Variants in NAV3 observed in about 807,000 individuals in gnomAD.
The protein encoded by NAV3 is neuron navigator 3.
Under a neutral mutation model 244.7 loss-of-function variants are expected in NAV3, and 87 were observed. That is an observed-to-expected ratio of 0.36 (90% CI 0.30 to 0.42). The LOEUF is 0.42. Ranked by LOEUF, NAV3 falls within the 20% of genes least tolerant of loss-of-function variation. The probability of loss-of-function intolerance (pLI) is 1.00; values close to 1 mark genes in which losing one functional copy is unlikely to be tolerated. For synonymous variants in NAV3, 1,126 were observed against 1,042.2 expected, an observed-to-expected ratio of 1.08 and a Z score of -1.55; for missense variants, 2,663 against 2,893.3, an observed-to-expected ratio of 0.92 and a Z score of 1.83.
intron 1 of NAV3, among the ~76,000 whole-genome samples, chr12:77,865,798 C>CGCGT (rs1555218733): frequency 2.0e-5 from 3 of 149,154 alleles, no homozygotes; most frequent in Admixed American, 1.3e-4. Flanking sequence ...CGTATATATG[C>CGCGT]GTGTGTGTGT....
intron 2 of NAV3, among the ~76,000 whole-genome samples, chr12:77,804,536 G>A (rs1871874438): frequency 2.0e-5 from 3 of 152,094 alleles, no homozygotes; most frequent in Admixed American, 1.3e-4. Flanking sequence ...CTATATATCC[G>A]TTTTGGTACC....
Position 77,755,652 on chromosome 12 carries a change from T to TCCTTCCTTCCTTCCTC in NAV3, c.72+183392_72+183393insTTCCTTCCTCCCTTCC, listed in dbSNP as rs1268788080. 3.4e-4 allele frequency among the ~76,000 whole-genome samples: 20 copies of TCCTTCCTTCCTTCCTC among 59,548 alleles called. 2 individuals are homozygous for TCCTTCCTTCCTTCCTC. Among genetic ancestry groups the TCCTTCCTTCCTTCCTC allele is most frequent in the African/African-American group, 1.0e-3 (12 of 11,432 alleles). The allele number at this position is 59,548 out of a possible 152,430, so 39.1% of individuals were successfully genotyped here. On this transcript the variant is annotated intron_variant, in intron 2 of 8. Transcript: ENST00000550042. ...TTCCTTCCTTCCTTCCTTCCTTCCT[T>TCCTTCCTTCCTTCCTC]CCTTCCACTCTCTCTCTTTCTTTCT...
chr12:78,111,565 A>G (rs780662284), intron 12 of NAV3, among the ~76,000 whole-genome samples: 34 of 152,296 alleles, frequency 2.2e-4, no homozygotes, highest in Middle Eastern at 3.4e-3. Flanking sequence ...GTAATGAAAT[A>G]CTACTAGATA....
intron 2 of NAV3, among the ~76,000 whole-genome samples, chr12:77,578,145 A>G (rs1869179874): frequency 6.6e-6 from 1 of 152,220 alleles, no homozygotes; most frequent in African/African-American, 2.4e-5. Flanking sequence ...GTATGACTGC[A>G]AAGTTGAAAA....
intron 1 of NAV3, among the ~76,000 whole-genome samples, chr12:77,883,095 C>T (rs1882863032): frequency 6.6e-6 from 1 of 152,034 alleles, no homozygotes; most frequent in Non-Finnish European, 1.5e-5. Context: ...GTTATACACT[C>T]AAAGGAAAAT....
Position 77,831,691 on chromosome 12 carries a change from AAG to A in NAV3, c.232_233del (p.Glu78ArgfsTer7). 1.2e-6 allele frequency: 2 copies of A among 1,606,548 alleles called. No homozygotes were observed. Among genetic ancestry groups the A allele is most frequent in the Non-Finnish European group, 1.7e-6 (2 of 1,177,590 alleles). ...CCCCTCCAAGGAAAAGCCAAGGAGAAAGAAGACAGCAAGGTTAGTTGCTGAAG... is the reference window on the plus strand; with the variant it reads ...CCCCTCCAAGGAAAAGCCAAGGAGAAAAGACAGCAAGGTTAGTTGCTGAAG... On this transcript the variant is annotated frameshift_variant, in exon 1 of 40. Transcript: ENST00000397909. LOFTEE classifies it high-confidence loss of function.
At chr12:78,062,354 A>G (rs367670847) in intron 12 of NAV3, among the ~76,000 whole-genome samples, 1 of 152,144 alleles carries the variant, frequency 6.6e-6, no homozygotes, top group South Asian at 2.1e-4. Flanking sequence ...GATGTCATAC[A>G]GTTTGGACTT....
chr12:77,812,482 G>A (rs1435515942), intron 2 of NAV3, among the ~76,000 whole-genome samples: 1 of 150,746 alleles, frequency 6.6e-6, no homozygotes, highest in African/African-American at 2.4e-5. Context: ...GCACTATCTC[G>A]GGGCTCACTG....
At chr12:78,045,976 C>T (rs903372018) in intron 9 of NAV3, among the ~76,000 whole-genome samples, 33 of 152,074 alleles carry the variant, frequency 2.2e-4, no homozygotes, top group African/African-American at 7.5e-4. Context: ...TGTATGTGTC[C>T]AGGAATTTAT....
intron 8 of NAV3, among the ~76,000 whole-genome samples, chr12:78,016,078 A>G (rs1478660498): frequency 2.6e-5 from 4 of 151,916 alleles, no homozygotes; most frequent in African/African-American, 9.7e-5. Flanking sequence ...TTCTTTCTTT[A>G]TGGCTCAAGG....
chr12:77,603,527 C>G (rs1038685989), intron 2 of NAV3, among the ~76,000 whole-genome samples: 8 of 151,718 alleles, frequency 5.3e-5, no homozygotes, highest in Non-Finnish European at 1.2e-4. Flanking sequence ...GTGATCTCAT[C>G]AAAAGACATT....
At chr12:77,997,359 T>A (rs1352066045) in intron 6 of NAV3, among the ~76,000 whole-genome samples, 2 of 152,132 alleles carry the variant, frequency 1.3e-5, no homozygotes, top group Non-Finnish European at 2.9e-5. Flanking sequence ...ATCTAGTAAT[T>A]GCACATTTTA....
At chr12:77,896,044 T>C (rs953010954) in intron 1 of NAV3, among the ~76,000 whole-genome samples, 8 of 151,532 alleles carry the variant, frequency 5.3e-5, no homozygotes, top group African/African-American at 1.9e-4. Context: ...AAAGTGCCAA[T>C]GTTAGAAAAT....
rs149409352 is a variant in NAV3 at position 77,594,556 on chromosome 12, G to C, written c.72+22290G>C. ...ACTAAGTTTGCTATTGGGTTTTAGGGCATTAACATGCCAGATTAGGGTTCT... is the reference window on the plus strand; with the variant it reads ...ACTAAGTTTGCTATTGGGTTTTAGGCCATTAACATGCCAGATTAGGGTTCT... On this transcript the variant is annotated intron_variant, in intron 2 of 8. Transcript: ENST00000550042. Among the ~76,000 whole-genome samples the C allele has an allele frequency of 1.8e-3, 280 of 152,246 alleles. 2 individuals carry two copies. The highest frequency in any genetic ancestry group is 6.4e-3 in the African/African-American group (265 of 41,524).
intron 1 of NAV3, among the ~76,000 whole-genome samples, chr12:77,903,925 C>G (rs1309784122): frequency 1.3e-5 from 2 of 152,086 alleles, no homozygotes; most frequent in Non-Finnish European, 2.9e-5. Context: ...CAGAGAAATG[C>G]AAATCAAAAC....
chr12:77,826,499 C>A (rs889955499), upstream of NAV3, among the ~76,000 whole-genome samples: 1 of 152,030 alleles, frequency 6.6e-6, no homozygotes, highest in African/African-American at 2.4e-5. Flanking sequence ...CCCCCTCCCC[C>A]CAAAAAATTA....
At chr12:78,001,023 T>A (rs2136476257) in intron 7 of NAV3, among the ~76,000 whole-genome samples, 1 of 151,874 alleles carries the variant, frequency 6.6e-6, no homozygotes, top group African/African-American at 2.4e-5. Flanking sequence ...AAATGGTACA[T>A]TTTTTAATAA....
rs889628497 is a variant in NAV3 at position 77,873,874 on chromosome 12, G to A, written c.243+42170G>A. Among the ~76,000 whole-genome samples the A allele has an allele frequency of 5.3e-5, 8 of 149,566 alleles. No homozygotes were observed. The Admixed American group carries it at 5.4e-4, about 10-fold the overall frequency. On this transcript the variant is annotated intron_variant, in intron 1 of 39. Coordinates refer to ENST00000397909, the MANE Select transcript of NAV3 (RefSeq NM_001024383.2). Reference sequence around the variant, plus strand: ...TGCATTTCTCCATAACCTAGCCCAGGGGTCCCCAACCCCTGGGCCATGGAC... The same window carrying A: ...TGCATTTCTCCATAACCTAGCCCAGAGGTCCCCAACCCCTGGGCCATGGAC...
chr12:77,624,288 A>T (rs1048925557), intron 2 of NAV3, among the ~76,000 whole-genome samples: 1 of 152,190 alleles, frequency 6.6e-6, no homozygotes, highest in Non-Finnish European at 1.5e-5. Context: ...ATAATCGTTC[A>T]TGTGAGAAAC....
Sources: allele counts gnomAD v4.1 joint callset (sites outside exome capture counted in the v4.1 genomes callset), GRCh38; gene constraint gnomAD v4.1.1; transcripts MANE v1.5; gene names NCBI Gene and HGNC (gene_info 2026-07-23, HGNC 2026-07-21).